The following GUCY2C variants were observed in gnomAD, a reference collection of about 807,000 sequenced individuals.
The protein encoded by GUCY2C is guanylate cyclase 2C.
A neutral mutation model predicts 131.1 loss-of-function variants in GUCY2C; 118 were observed. That is an observed-to-expected ratio of 0.90 (90% CI 0.78 to 1.05). GUCY2C has a LOEUF of 1.05. GUCY2C is among the 50% of genes least tolerant of loss of function. The probability of loss-of-function intolerance (pLI) is 0.00; values close to 1 mark genes in which losing one functional copy is unlikely to be tolerated. For missense variants in GUCY2C, 1,161 were observed against 1,304.4 expected (o/e 0.89, Z 1.69); for synonymous variants, 452 against 457.8 (o/e 0.99, Z 0.16).
At chr12:14,688,266 C>CTCTG (rs1182054628) in intron 1 of GUCY2C, among the ~76,000 whole-genome samples, 1 of 152,118 alleles carries the variant, frequency 6.6e-6, no homozygotes, top group Non-Finnish European at 1.5e-5. Context: ...CTGTTTCTCT[C>CTCTG]TCTCTCTCTC....
At chr12:14,678,360 G>A (rs1948282575) in intron 6 of GUCY2C, among the ~76,000 whole-genome samples, 1 of 152,152 alleles carries the variant, frequency 6.6e-6, no homozygotes, top group Non-Finnish European at 1.5e-5. Flanking sequence ...ACATAGCCAG[G>A]TGTCCTTTGG....
chr12:14,643,547 C>T, intron 17 of GUCY2C, 27 bp downstream of exon 17: 1 of 1,609,504 alleles, frequency 6.2e-7, no homozygotes, highest in Non-Finnish European at 8.5e-7. Flanking sequence ...AGTTAGGAAA[C>T]TAGTGAACAT....
At chr12:14,664,618 T>G (rs1947932875) in intron 10 of GUCY2C, among the ~76,000 whole-genome samples, 1 of 152,202 alleles carries the variant, frequency 6.6e-6, no homozygotes, top group Non-Finnish European at 1.5e-5. Flanking sequence ...TTCTGCTGCC[T>G]TCTGGTGGCT....
chr12:14,682,065 C>T (rs1948357613), intron 4 of GUCY2C, among the ~76,000 whole-genome samples: 2 of 152,248 alleles, frequency 1.3e-5, no homozygotes, highest in South Asian at 2.1e-4. Flanking sequence ...AGAAAGAATG[C>T]AGAATTAAGC....
At chr12:14,664,082 A>T (rs1267583858) in intron 10 of GUCY2C, among the ~76,000 whole-genome samples, 1 of 152,146 alleles carries the variant, frequency 6.6e-6, no homozygotes. Context: ...CAGACATGTG[A>T]CTTTGCCTCT....
Position 14,683,053 on chromosome 12 carries a change from C to G in GUCY2C, c.600G>C (p.Glu200Asp), listed in dbSNP as rs1191022858. ...ATGATCCTGCTTACCAGAAACAGTC[C>G]TCAGTTTCTGTACCATTCTTGTAAA... is the stretch of plus-strand genomic sequence containing the variant. ...SYVYKNGTET[E>D]DCFWYLNALE... The change falls in exon 4 of 27, where the codon GAG becomes GAC. Residue 200 changes from glutamate to aspartate, a missense_variant. Physicochemically the swap from Glu to Asp is conservative, Grantham distance 45. Transcript: ENST00000261170. The G allele has an allele frequency of 3.1e-6, 5 of 1,602,926 alleles. No homozygotes were observed. In the Admixed American group the frequency reaches 8.3e-5, roughly 27 times the overall value.
chr12:14,689,639 C>T (rs2137108638), intron 1 of GUCY2C, among the ~76,000 whole-genome samples: 1 of 152,242 alleles, frequency 6.6e-6, no homozygotes, highest in East Asian at 1.9e-4. Flanking sequence ...GAAATGGAAG[C>T]CGTGATTATC....
chr12:14,638,688 G>A (rs1246913813), intron 19 of GUCY2C, among the ~76,000 whole-genome samples: 1 of 152,190 alleles, frequency 6.6e-6, no homozygotes, highest in Non-Finnish European at 1.5e-5. Context: ...AATAATGATA[G>A]CCAGAGACTG....
rs566095994 is a variant in GUCY2C at position 14,673,218 on chromosome 12, T to C, written c.1085-260A>G. ...TCATTGCATTTAGGGTGGCACTAAATGTAATGAGTCAATAAGTCCCTCGAT... is the reference window on the plus strand; with the variant it reads ...TCATTGCATTTAGGGTGGCACTAAACGTAATGAGTCAATAAGTCCCTCGAT... On this transcript the variant is annotated intron_variant, in intron 8 of 26. Transcript: ENST00000261170. 6.6e-5 allele frequency among the ~76,000 whole-genome samples: 10 copies of C among 152,306 alleles called. No homozygotes were observed. The South Asian group carries it at 2.1e-3, about 32-fold the overall frequency.
chr12:14,677,657 G>A (rs1948264053), intron 6 of GUCY2C, among the ~76,000 whole-genome samples: 3 of 151,286 alleles, frequency 2.0e-5, no homozygotes, highest in Admixed American at 1.3e-4. Flanking sequence ...TGCAACCTCC[G>A]CCTCCCAGGT....
At chr12:14,637,211 A>AAC (rs397742948) in intron 19 of GUCY2C, among the ~76,000 whole-genome samples, 2 of 150,534 alleles carry the variant, frequency 1.3e-5, no homozygotes, top group African/African-American at 2.4e-5. Flanking sequence ...AAAAAAAAAA[A>AAC]CCACCTAGGA....
intron 8 of GUCY2C, among the ~76,000 whole-genome samples, chr12:14,673,389 A>C (rs1438682183): frequency 6.6e-6 from 1 of 152,150 alleles, no homozygotes; most frequent in Non-Finnish European, 1.5e-5. Context: ...AAAATTACTT[A>C]AGTTTTCTGA....
intron 21 of GUCY2C, among the ~76,000 whole-genome samples, chr12:14,623,052 G>A (rs890440472): frequency 6.6e-6 from 1 of 152,140 alleles, no homozygotes; most frequent in Non-Finnish European, 1.5e-5. Flanking sequence ...ATCAGAAACT[G>A]GAAGCTGGGA....
intron 3 of GUCY2C, among the ~76,000 whole-genome samples, chr12:14,683,642 C>T (rs569242685): frequency 6.6e-6 from 1 of 152,288 alleles, no homozygotes; most frequent in Admixed American, 6.5e-5. Context: ...CCATGCATTG[C>T]CTTCTCCCCA....
chr12:14,629,895 C>T (rs1276197332), intron 19 of GUCY2C, among the ~76,000 whole-genome samples: 1 of 152,100 alleles, frequency 6.6e-6, no homozygotes, highest in African/African-American at 2.4e-5. Context: ...ACTTGGATTT[C>T]AGATAAACAA....
intron 17 of GUCY2C, among the ~76,000 whole-genome samples, chr12:14,642,225 G>C (rs1947421861): frequency 6.6e-6 from 1 of 152,108 alleles, no homozygotes; most frequent in Admixed American, 6.6e-5. Context: ...ACTCCCTAGT[G>C]CTTACATCTA....
chr12:14,661,987 G>A (rs1489554855), intron 10 of GUCY2C, among the ~76,000 whole-genome samples: 1 of 152,138 alleles, frequency 6.6e-6, no homozygotes, highest in Non-Finnish European at 1.5e-5. Flanking sequence ...AAGCACTGAA[G>A]CAGTGTCTGA....
chr12:14,689,753 A>C (rs1948542159), intron 1 of GUCY2C, among the ~76,000 whole-genome samples: 1 of 152,150 alleles, frequency 6.6e-6, no homozygotes, highest in Non-Finnish European at 1.5e-5. Context: ...TTAAATCCAA[A>C]ATTTATCAAT....
chr12:14,683,033 C>T lies in GUCY2C; in HGVS notation c.611+9G>A, dbSNP rs891316728. 1 of 1,581,576 alleles carries T rather than the reference C, an allele frequency of 6.3e-7. No individual in the cohort carries two copies. Among genetic ancestry groups the T allele is most frequent in the Non-Finnish European group, 8.7e-7 (1 of 1,150,744 alleles). ...CAAGTGCTAGTGAAATATTAATGATCCTGCTTACCAGAAACAGTCCTCAGT... is the reference window on the plus strand; with the variant it reads ...CAAGTGCTAGTGAAATATTAATGATTCTGCTTACCAGAAACAGTCCTCAGT... On this transcript the variant is annotated intron_variant, in intron 4 of 26. Transcript: ENST00000261170.
Sources: gnomAD v4.1 joint callset for allele counts (sites outside exome capture counted in the v4.1 genomes callset) on GRCh38, gnomAD v4.1.1 for gene constraint, MANE v1.5 for transcripts, NCBI Gene and HGNC (gene_info 2026-07-23, HGNC 2026-07-21) for gene names.